Variants in CAMTA1 observed in about 807,000 individuals in gnomAD.
The protein encoded by CAMTA1 is calmodulin-binding transcription activator 1.
A neutral mutation model predicts 170.9 loss-of-function variants in CAMTA1; 27 were observed. That is an observed-to-expected ratio of 0.16 (90% CI 0.12 to 0.22). The LOEUF is 0.22. CAMTA1 is among the 10% of genes least tolerant of loss of function. CAMTA1 has a pLI of 1.00. For synonymous variants in CAMTA1, 833 were observed against 891.5 expected, an observed-to-expected ratio of 0.93 and a Z score of 1.17; for missense variants, 1,619 against 2,217.2, an observed-to-expected ratio of 0.73 and a Z score of 5.42.
intron 4 of CAMTA1, among the ~76,000 whole-genome samples, chr1:7,209,964 C>A (rs1658460592): frequency 6.6e-6 from 1 of 152,186 alleles, no homozygotes; most frequent in South Asian, 2.1e-4. Flanking sequence ...ATGCACATGA[C>A]TGAACCATTT....
intron 4 of CAMTA1, among the ~76,000 whole-genome samples, chr1:7,242,737 G>A (rs1665081149): frequency 6.6e-6 from 1 of 151,514 alleles, no homozygotes; most frequent in Admixed American, 6.6e-5. Context: ...GACCATCCTG[G>A]CTAACACAGT....
Position 6,932,810 on chromosome 1 carries a change from C to G in CAMTA1, c.234+107600C>G, listed in dbSNP as rs142521875. ...TATCTTCTTTAGTGAAGTGTCTATT[C>G]AAATCTTTTGTCCTTTAAAAAAGTC... On this transcript the variant is annotated intron_variant, in intron 3 of 22. Coordinates refer to ENST00000303635, the MANE Select transcript of CAMTA1 (RefSeq NM_015215.4). 5.1e-3 allele frequency among the ~76,000 whole-genome samples: 769 copies of G among 152,174 alleles called. 8 individuals carry two copies. Among genetic ancestry groups the G allele is most frequent in the African/African-American group, 0.017 (685 of 41,512 alleles).
chr1:7,661,880 C>T lies in CAMTA1; in HGVS notation c.805+14C>T, dbSNP rs1292053195. ...CCGGCAGCCTGGGTGAGCCGGGGCT[C>T]CCGGGGCAGGCGGGCGCCACGGGGA... On this transcript the variant is annotated intron_variant, in intron 8 of 22. Coordinates refer to ENST00000303635, the MANE Select transcript of CAMTA1 (RefSeq NM_015215.4). The T allele has an allele frequency of 6.3e-7, 1 of 1,597,932 alleles. No individual in the cohort carries two copies. The highest frequency in any genetic ancestry group is 1.1e-5 in the South Asian group (1 of 88,976).
rs1573811362 is a variant in CAMTA1, at chr1:7,195,522, C to T, written c.303-53969C>T. 2.0e-5 allele frequency among the ~76,000 whole-genome samples: 3 copies of T among 152,266 alleles called. No homozygotes were observed. In the East Asian group the frequency reaches 5.8e-4, roughly 29 times the overall value. ...TTCCTGTTACAGCATCATGGCCTCA[C>T]CTGTCCTGACTGATGCAGGTGGATA... On this transcript the variant is annotated intron_variant, in intron 4 of 22. Transcript: ENST00000303635. The surrounding 1 kb of genome is among the most constrained non-coding windows in gnomAD (Gnocchi z 4.1).
chr1:7,538,597 C>T (rs2094574732), intron 6 of CAMTA1, among the ~76,000 whole-genome samples: 1 of 152,190 alleles, frequency 6.6e-6, no homozygotes, highest in Admixed American at 6.5e-5. Context: ...CGGCAGTGAG[C>T]CATGATCACA....
At chr1:6,845,210 C>G (rs1016211852) in intron 3 of CAMTA1, among the ~76,000 whole-genome samples, 3 of 152,178 alleles carry the variant, frequency 2.0e-5, no homozygotes, top group African/African-American at 7.2e-5. Flanking sequence ...AATCACTTCT[C>G]TAGGTCTGCT....
At chr1:6,953,502 C>T (rs769532855) in intron 3 of CAMTA1, among the ~76,000 whole-genome samples, 4 of 152,228 alleles carry the variant, frequency 2.6e-5, no homozygotes, top group Admixed American at 2.6e-4. Context: ...CAAGTCCTTC[C>T]TTGCTCAGGG....
At chr1:7,460,055 G>C (rs898194809) in intron 5 of CAMTA1, among the ~76,000 whole-genome samples, 1 of 152,248 alleles carries the variant, frequency 6.6e-6, no homozygotes, top group Non-Finnish European at 1.5e-5. Flanking sequence ...TCAAAGGCAA[G>C]GCCATCTGCC....
Position 7,664,337 on chromosome 1 carries a change from C to T in CAMTA1, c.1790C>T (p.Ser597Phe). The T allele has an allele frequency of 6.2e-7, 1 of 1,613,566 alleles. No individual in the cohort carries two copies. The highest frequency in any genetic ancestry group is 8.5e-7 in the Non-Finnish European group (1 of 1,180,028). The change falls in exon 9 of 23, where the codon TCC becomes TTC. Residue 597 changes from serine (S) to phenylalanine (F), a missense_variant. Ser to Phe is a radical substitution (Grantham distance 155). Around this residue, in one of 8 missense-constraint regions of CAMTA1, gnomAD observed 731 missense variants for 907.6 expected, o/e 0.81. Coordinates refer to ENST00000303635, the MANE Select transcript of CAMTA1 (RefSeq NM_015215.4). ...ATCGACTCCAACAAGGACTACACGT[C>T]CAGCTTCAGCCAGACGGGCCACAGC... The part of the protein sequence containing the change: ...SAIDSNKDYT[S>F]SFSQTGHSPH...
At chr1:7,712,028 G>A (rs2096574412) in intron 11 of CAMTA1, among the ~76,000 whole-genome samples, 1 of 152,106 alleles carries the variant, frequency 6.6e-6, no homozygotes. Flanking sequence ...ATAAAACATT[G>A]AACTACATAA....
chr1:7,084,679 C>T (rs551046880), intron 3 of CAMTA1, among the ~76,000 whole-genome samples: 12 of 152,262 alleles, frequency 7.9e-5, no homozygotes, highest in African/African-American at 9.6e-5. Context: ...GGGTGGCTGC[C>T]GTTGGCTCCA....
In CAMTA1 at chr1:7,721,204, C is replaced by G. The variant is rs74371259; in HGVS notation, c.2915-11244C>G. Among the ~76,000 whole-genome samples the G allele has an allele frequency of 5.9e-3, 896 of 152,216 alleles. 5 individuals carry two copies. Among genetic ancestry groups the G allele is most frequent in the Non-Finnish European group, 7.0e-3 (473 of 68,014 alleles). On this transcript the variant is annotated intron_variant, in intron 11 of 22. Coordinates refer to ENST00000303635, the MANE Select transcript of CAMTA1 (RefSeq NM_015215.4). ...CTTCATTGGCTCAGTACTGTTAGGA[C>G]CCAGGGCAAAATGTGGAAGGTTTAC...
At chr1:6,975,341 C>T (rs895240056) in intron 3 of CAMTA1, among the ~76,000 whole-genome samples, 4 of 152,198 alleles carry the variant, frequency 2.6e-5, no homozygotes, top group African/African-American at 9.7e-5. Context: ...TGGTTAGCGT[C>T]ACTGCATGCA....
At chr1:6,819,765 TCATGTACTTC>T (rs2148447863) in intron 1 of CAMTA1, among the ~76,000 whole-genome samples, 1 of 152,314 alleles carries the variant, frequency 6.6e-6, no homozygotes, top group South Asian at 2.1e-4. Flanking sequence ...AAATACTTGA[TCATGTACTTC>T]CTACAAACAA....
intron 6 of CAMTA1, among the ~76,000 whole-genome samples, chr1:7,617,124 G>A (rs558860876): frequency 2.0e-5 from 3 of 152,270 alleles, no homozygotes; most frequent in African/African-American, 4.8e-5. Flanking sequence ...AGCCAGGTTC[G>A]GCCACGGGAT....
At chr1:6,938,601 T>C (rs1336355531) in intron 3 of CAMTA1, among the ~76,000 whole-genome samples, 2 of 152,180 alleles carry the variant, frequency 1.3e-5, no homozygotes, top group South Asian at 2.1e-4. Flanking sequence ...TGTTCTGCTG[T>C]GTGTTTGTCC....
At chr1:7,507,319 C>T (rs533403414) in intron 6 of CAMTA1, among the ~76,000 whole-genome samples, 20 of 152,172 alleles carry the variant, frequency 1.3e-4, no homozygotes, top group East Asian at 3.9e-4. Flanking sequence ...TCCAGCTCTC[C>T]GGCTCTCCCT....
At chr1:7,537,098 G>T (rs1413914391) in intron 6 of CAMTA1, among the ~76,000 whole-genome samples, 1 of 152,204 alleles carries the variant, frequency 6.6e-6, no homozygotes, top group African/African-American at 2.4e-5. Flanking sequence ...GCAGCTGTGG[G>T]CTACAGCGGG....
At chr1:7,420,855 G>A (rs1281144730) in intron 5 of CAMTA1, among the ~76,000 whole-genome samples, 5 of 152,216 alleles carry the variant, frequency 3.3e-5, no homozygotes, top group Admixed American at 2.0e-4. Context: ...TGAGGGGCAC[G>A]TTCCCAGCCA....
Sources: allele counts gnomAD v4.1 joint callset (sites outside exome capture counted in the v4.1 genomes callset), GRCh38; gene constraint gnomAD v4.1.1; regional missense constraint gnomAD v4.1.1; non-coding constraint Gnocchi (gnomAD v3.1); transcripts MANE v1.5; gene names NCBI Gene and HGNC (gene_info 2026-07-23, HGNC 2026-07-21).